FARP1: variants seen among roughly 807,000 people sequenced by gnomAD.
FARP1 encodes FERM, ARHGEF and pleckstrin domain-containing protein 1.
In FARP1, 52 loss-of-function variants were observed where a neutral mutation model predicts 128.8. That is an observed-to-expected ratio of 0.40 (90% CI 0.32 to 0.51). The LOEUF is 0.51. FARP1 is among the 20% of genes least tolerant of loss of function. FARP1 has a pLI of 0.45. For synonymous variants in FARP1, 580 were observed against 551.8 expected (o/e 1.05, Z -0.72); for missense variants, 1,333 against 1,367.9 (o/e 0.97, Z 0.40).
intron 10 of FARP1, 186 bp from the exon 11 acceptor site, chr13:98,390,626 C>G (rs745762825): frequency 7.3e-6 from 4 of 547,376 alleles, no homozygotes; most frequent in Non-Finnish European, 1.3e-5. Flanking sequence ...AGGAAAATAT[C>G]AAGAGACTGA....
At chr13:98,364,624 A>C (rs1194633744) in intron 3 of FARP1, among the ~76,000 whole-genome samples, 1 of 152,244 alleles carries the variant, frequency 6.6e-6, no homozygotes, top group African/African-American at 2.4e-5. Flanking sequence ...GAACCCTTTC[A>C]AATGACTAGA....
chr13:98,381,959 C>T lies in FARP1; in HGVS notation c.497-2771C>T, dbSNP rs1183782923. On this transcript the variant is annotated intron_variant, in intron 6 of 26. Coordinates refer to ENST00000319562, the MANE Select transcript of FARP1 (RefSeq NM_005766.4). ...CTGGAGGCCAGGAGTTCAAGACCAG[C>T]CTAGGCAACATAGTGAGACCTCGTC... is the stretch of plus-strand genomic sequence containing the variant. Among the ~76,000 whole-genome samples, 4 of 152,074 alleles carry T rather than the reference C, an allele frequency of 2.6e-5. No individual in the cohort carries two copies. In the East Asian group the frequency reaches 5.8e-4, roughly 22 times the overall value.
intron 1 of FARP1, among the ~76,000 whole-genome samples, chr13:98,170,642 C>T (rs925202787): frequency 1.3e-5 from 2 of 152,084 alleles, no homozygotes; most frequent in Non-Finnish European, 2.9e-5. Flanking sequence ...AGGTGTGAGC[C>T]ACCGCACCTG....
chr13:98,169,532 C>T (rs1427240019), intron 1 of FARP1, among the ~76,000 whole-genome samples: 1 of 152,108 alleles, frequency 6.6e-6, no homozygotes, highest in Non-Finnish European at 1.5e-5. Flanking sequence ...CAAGACCAGC[C>T]TGGGAAACAG....
At chr13:98,236,134 T>A (rs1474490574) in intron 2 of FARP1, among the ~76,000 whole-genome samples, 3 of 152,224 alleles carry the variant, frequency 2.0e-5, no homozygotes, top group Non-Finnish European at 4.4e-5. Flanking sequence ...GTGACTGGCT[T>A]CTTTTCTAGG....
At chr13:98,354,764 GAGA>G (rs1888574038) in intron 3 of FARP1, among the ~76,000 whole-genome samples, 2 of 152,168 alleles carry the variant, frequency 1.3e-5, no homozygotes, top group South Asian at 2.1e-4. Flanking sequence ...GTGCCATCAA[GAGA>G]AGAATTGTTA....
intron 1 of FARP1, among the ~76,000 whole-genome samples, chr13:98,151,384 C>T (rs1594202089): frequency 2.6e-5 from 4 of 152,192 alleles, no homozygotes; most frequent in African/African-American, 9.6e-5. Flanking sequence ...ACATTAGTTT[C>T]TCTGTTTTGG....
At position 98,377,887 on chromosome 13, in the gene FARP1, C is replaced by T. The variant is rs761516475; in HGVS notation, c.465C>T (p.Ser155=). 8.7e-6 allele frequency: 14 copies of T among 1,613,394 alleles called. No homozygotes were observed. Among genetic ancestry groups the T allele is most frequent in the East Asian group, 6.7e-5 (3 of 44,880 alleles). The change falls in exon 6 of 27, where the codon AGC becomes AGT. Residue 155 remains serine, a synonymous_variant. Transcript: ENST00000319562. ...AQGRLTCNDT[S]AALLISHIVQ... ...GCAGGTTGACGTGTAATGACACCAGCGCAGCTCTCTTGATTTCACACATTG... is the reference window on the plus strand; with the variant it reads ...GCAGGTTGACGTGTAATGACACCAGTGCAGCTCTCTTGATTTCACACATTG...
At chr13:98,232,144 G>GTTTTTT (rs1555329634) in intron 2 of FARP1, among the ~76,000 whole-genome samples, 11,388 of 108,780 alleles carry the variant, frequency 0.1, 1,106 homozygotes, top group Middle Eastern at 0.16. Flanking sequence ...TTGTTTGGTT[G>GTTTTTT]GTTTTTTTTT....
Position 98,299,414 on chromosome 13 carries a change from C to T in FARP1, c.172-44348C>T, listed in dbSNP as rs781532442. Among the ~76,000 whole-genome samples the T allele has an allele frequency of 2.0e-5, 3 of 152,242 alleles. 1 individual carries two copies. On this transcript the variant is annotated intron_variant, in intron 2 of 26. Transcript: ENST00000319562. The stretch of plus-strand genomic sequence containing the variant: ...TATTTGAAAGATGGGGCCCAGCAGG[C>T]GAAATGTATGAACACGTAGGGGCTG...
intron 1 of FARP1, among the ~76,000 whole-genome samples, chr13:98,175,142 A>T (rs1877912599): frequency 1.3e-5 from 2 of 152,248 alleles, no homozygotes; most frequent in African/African-American, 4.8e-5. Flanking sequence ...AACAGGAAGT[A>T]TGTGAGACAT....
intron 1 of FARP1, among the ~76,000 whole-genome samples, chr13:98,163,900 G>A (rs1877060121): frequency 6.6e-6 from 1 of 152,114 alleles, no homozygotes; most frequent in Admixed American, 6.6e-5. Flanking sequence ...ATAGAGACGA[G>A]GTTTCACCAT....
intron 3 of FARP1, among the ~76,000 whole-genome samples, chr13:98,359,641 C>T (rs1182604617): frequency 3.9e-5 from 6 of 152,168 alleles, no homozygotes; most frequent in Non-Finnish European, 8.8e-5. Flanking sequence ...TGGGTCTTCA[C>T]TGTACCTTTT....
intron 2 of FARP1, among the ~76,000 whole-genome samples, chr13:98,249,516 C>G (rs550270682): frequency 6.6e-6 from 1 of 152,262 alleles, no homozygotes; most frequent in East Asian, 1.9e-4. Flanking sequence ...AACTTCTGGT[C>G]TGCTTACTGT....
Position 98,454,526 on chromosome 13 carries a change from T to A in FARP1, c.*6209T>A, listed in dbSNP as rs1317532873. ...AAAAGCACACATTAGCCACGGAGCC[T>A]AAGACTCAACTATCAAGAAATACAA... On this transcript the variant is annotated 3_prime_UTR_variant, in exon 27 of 27. Coordinates refer to ENST00000319562, the MANE Select transcript of FARP1 (RefSeq NM_005766.4). The A allele has an allele frequency of 6.6e-6, 1 of 152,190 alleles. No individual in the cohort carries two copies. The highest frequency in any genetic ancestry group is 1.5e-5 in the Non-Finnish European group (1 of 68,038). 9.4% of individuals were successfully genotyped at this position (152,190 alleles called of 1,614,324 possible). A position where few individuals can be genotyped will look rare whatever the true frequency, so the allele number is the denominator to read the frequency against.
At chr13:98,200,398 C>CA (rs967233034) in intron 1 of FARP1, among the ~76,000 whole-genome samples, 28 of 144,064 alleles carry the variant, frequency 1.9e-4, no homozygotes, top group Non-Finnish European at 3.8e-4. Context: ...CCCCCCCCCC[C>CA]TCCCCTTTGT....
At chr13:98,169,069 G>T (rs1877474738) in intron 1 of FARP1, among the ~76,000 whole-genome samples, 1 of 151,928 alleles carries the variant, frequency 6.6e-6, no homozygotes. Context: ...AAATTTGTTT[G>T]ATTTTTCTAC....
At chr13:98,143,637 T>A (rs1210572739) in intron 1 of FARP1, 145 bp downstream of exon 1, 1 of 150,804 alleles carries the variant, frequency 6.6e-6, no homozygotes, top group Non-Finnish European at 1.5e-5. Context: ...GTCCCCGAGG[T>A]CCTGCCCTGC....
rs1369336643 is a variant in FARP1, at chr13:98,449,074, C to A, written c.*757C>A. 1.3e-5 allele frequency: 2 copies of A among 152,202 alleles called. No individual in the cohort carries two copies. The highest frequency in any genetic ancestry group is 6.5e-5 in the Admixed American group (1 of 15,278). The allele number at this position is 152,202 out of a possible 1,614,324, so 9.4% of individuals were successfully genotyped here. ...GTCACCGTCCTGTGAGTGGTGTACA[C>A]AATGGGAAGATAATAAGCCGTGGTG... On this transcript the variant is annotated 3_prime_UTR_variant, in exon 27 of 27. Transcript: ENST00000319562.
Sources: gnomAD v4.1 joint callset for allele counts (sites outside exome capture counted in the v4.1 genomes callset) on GRCh38, gnomAD v4.1.1 for gene constraint, MANE v1.5 for transcripts, NCBI Gene and HGNC (gene_info 2026-07-23, HGNC 2026-07-21) for gene names.